USP4: variants seen among roughly 807,000 people sequenced by gnomAD.
The protein encoded by USP4 is ubiquitin specific peptidase 4.
Under a neutral mutation model 118.2 loss-of-function variants are expected in USP4, and 72 were observed. That is an observed-to-expected ratio of 0.61 (90% CI 0.50 to 0.74). The LOEUF (loss-of-function observed/expected upper bound fraction) is 0.74. USP4 is among the 30% of genes least tolerant of loss of function. USP4 has a pLI of 0.00. For missense variants in USP4, 1,037 were observed against 1,185.7 expected (o/e 0.87, Z 1.84); for synonymous variants, 415 against 440.4 (o/e 0.94, Z 0.72).
At chr3:49,339,899 G>A (rs777432077) in intron 1 of USP4, 25 bp downstream of exon 1, 4 of 1,603,008 alleles carry the variant, frequency 2.5e-6, no homozygotes, top group Non-Finnish European at 3.4e-6. Flanking sequence ...GTTCTGCATA[G>A]AGGAAGAGCG....
rs914937882 is a variant in USP4, at chr3:49,277,931, C to G, written c.*362G>C. On this transcript the variant is annotated 3_prime_UTR_variant, in exon 22 of 22. Transcript: ENST00000265560. Reference sequence around the variant, plus strand: ...GAACCAGAAATCCAGGCGCTCAGGGCAGCCCTGCAGGTGGGGTGGGTCTCC... The same window carrying G: ...GAACCAGAAATCCAGGCGCTCAGGGGAGCCCTGCAGGTGGGGTGGGTCTCC... 4 of 402,688 alleles carry G rather than the reference C, an allele frequency of 9.9e-6. No individual in the cohort carries two copies. The highest frequency in any genetic ancestry group is 8.2e-5 in the African/African-American group (4 of 48,514). The allele number at this position is 402,688 out of a possible 1,614,324, so 24.9% of individuals were successfully genotyped here. A position where few individuals can be genotyped will look rare whatever the true frequency, so the allele number is the denominator to read the frequency against.
chr3:49,334,624 G>A (rs997464170), intron 2 of USP4, among the ~76,000 whole-genome samples: 8 of 152,120 alleles, frequency 5.3e-5, no homozygotes, highest in Non-Finnish European at 8.8e-5. Context: ...GAACACTGTA[G>A]TCTCAGTGAC....
chr3:49,290,189 C>T (rs2047138006), intron 15 of USP4, among the ~76,000 whole-genome samples: 1 of 152,102 alleles, frequency 6.6e-6, no homozygotes, highest in South Asian at 2.1e-4. Flanking sequence ...CGAAGGTGAG[C>T]AGATCACTTG....
chr3:49,303,183 A>T (rs989415679), intron 9 of USP4, among the ~76,000 whole-genome samples: 1 of 152,114 alleles, frequency 6.6e-6, no homozygotes. Flanking sequence ...GCTCATGCCT[A>T]TGATCCCAGA....
At chr3:49,334,892 A>T (rs1041273488) in intron 2 of USP4, among the ~76,000 whole-genome samples, 1 of 152,212 alleles carries the variant, frequency 6.6e-6, no homozygotes, top group African/African-American at 2.4e-5. Context: ...GGCAAAAGAA[A>T]GCCTGGGAAA....
At chr3:49,278,481 A>C (rs1559461862) in intron 21 of USP4, 30 bp from the exon 22 acceptor site, 1 of 1,602,242 alleles carries the variant, frequency 6.2e-7, no homozygotes, top group African/African-American at 1.3e-5. Flanking sequence ...AAGACCATTC[A>C]GTGCTTGGAA....
chr3:49,311,491 A>T, intron 7 of USP4, 23 bp downstream of exon 7: 1 of 1,610,536 alleles, frequency 6.2e-7, no homozygotes, highest in South Asian at 1.1e-5. Flanking sequence ...GAAAGGAAGC[A>T]GAGTGAAAGG....
chr3:49,295,330 CT>C (rs1559468046), intron 13 of USP4, among the ~76,000 whole-genome samples: 1 of 142,982 alleles, frequency 7.0e-6, no homozygotes, highest in East Asian at 2.0e-4. Flanking sequence ...ATTGAGTGCC[CT>C]GCCCTTTAAT....
Position 49,284,548 on chromosome 3 carries a change from T to C in USP4, c.2308A>G (p.Lys770Glu). 6.2e-7 allele frequency: 1 copy of C among 1,614,066 alleles called. No individual in the cohort carries two copies. The highest frequency in any genetic ancestry group is 8.5e-7 in the Non-Finnish European group (1 of 1,180,008). ...AGGGCCACTGTGGTCTTCTTCTTCT[T>C]CTGAGGCTGCAACATGCTCACATGC... is the stretch of plus-strand genomic sequence containing the variant. ...EKHVSMLQPQ[K>E]KKKTTVALRD... Residue 770 changes from lysine (K) to glutamate (E), a missense_variant, in exon 18 of 22, where the codon AAG (lysine) becomes GAG (glutamate). Lys to Glu is a moderately conservative substitution (Grantham distance 56). This residue lies in a region of USP4 where 522 missense variants were observed against 592.6 expected (regional missense o/e 0.88). Coordinates refer to ENST00000265560, the MANE Select transcript of USP4 (RefSeq NM_003363.4).
intron 2 of USP4, among the ~76,000 whole-genome samples, chr3:49,334,699 T>C (rs1363381536): frequency 2.0e-5 from 3 of 152,100 alleles, no homozygotes; most frequent in Non-Finnish European, 4.4e-5. Flanking sequence ...GCCAACATGG[T>C]AGAGACGGGG....
chr3:49,278,339 T>G lies in USP4; in HGVS notation c.2846A>C (p.Gln949Pro), dbSNP rs1161332435. 2 of 1,614,162 alleles carry G rather than the reference T, an allele frequency of 1.2e-6. No individual in the cohort carries two copies. ...SDGGTRPSSS[Q>P]QGFGDDEACS... Reference sequence around the variant, plus strand: ...AGCCTCATCATCCCCAAAGCCCTGCTGAGAGCTGCTTGGTCGTGTCCCTCC... The same window carrying G: ...AGCCTCATCATCCCCAAAGCCCTGCGGAGAGCTGCTTGGTCGTGTCCCTCC... Residue 949 changes from glutamine (Q) to proline (P), a missense_variant, in exon 22 of 22, where the codon CAG (glutamine) becomes CCG (proline). This residue lies in a region of USP4 where 522 missense variants were observed against 592.6 expected (regional missense o/e 0.88). Transcript: ENST00000265560.
intron 2 of USP4, among the ~76,000 whole-genome samples, chr3:49,330,996 T>A (rs1288648278): frequency 7.9e-6 from 1 of 126,000 alleles, no homozygotes; most frequent in South Asian, 2.5e-4. Context: ...CCAGTCTGGG[T>A]GACAGAGCAA....
rs749269636 is a variant in USP4, at chr3:49,295,849, T to C, written c.1692-1251A>G. The stretch of plus-strand genomic sequence containing the variant: ...CTCGAGTAAATACTGTGGTCCAGCA[T>C]AGTGGTAAAGAACCAGGCCTTGGAG... On this transcript the variant is annotated intron_variant, in intron 13 of 21. Transcript: ENST00000265560. 4.0e-4 allele frequency among the ~76,000 whole-genome samples: 61 copies of C among 152,148 alleles called. 1 individual carries two copies. The highest frequency in any genetic ancestry group is 1.4e-3 in the African/African-American group (60 of 41,514).
intron 6 of USP4, chr3:49,317,450 C>T (rs2047451464): frequency 2.5e-6 from 2 of 811,624 alleles, no homozygotes; most frequent in Non-Finnish European, 4.2e-6. Flanking sequence ...AGCGCCATGC[C>T]CTGCTGGGTC....
At chr3:49,313,789 T>C (rs2047409724) in intron 6 of USP4, 1 of 152,264 alleles carries the variant, frequency 6.6e-6, no homozygotes, top group Admixed American at 6.5e-5. Context: ...TTTAAATTGC[T>C]ATCAATTTCA....
At chr3:49,283,004 GCCT>G (rs1468106580) in intron 19 of USP4, among the ~76,000 whole-genome samples, 6 of 130,122 alleles carry the variant, frequency 4.6e-5, no homozygotes, top group East Asian at 2.2e-4. Flanking sequence ...CACTGTGCCG[GCCT>G]CTTTTTTTTT....
chr3:49,317,182 T>A, intron 6 of USP4: 1 of 1,477,768 alleles, frequency 6.8e-7, no homozygotes, highest in East Asian at 2.3e-5. Flanking sequence ...CTGGGAGCTC[T>A]CCAGCATCTT....
At chr3:49,325,075 C>T (rs747037311) in intron 4 of USP4, 36 bp from the exon 5 acceptor site, 1 of 1,602,726 alleles carries the variant, frequency 6.2e-7, no homozygotes, top group Non-Finnish European at 8.5e-7. Flanking sequence ...GGGGCTTTGT[C>T]CACATGCAAG....
At chr3:49,335,244 A>C (rs1444707387) in intron 2 of USP4, among the ~76,000 whole-genome samples, 1 of 152,226 alleles carries the variant, frequency 6.6e-6, no homozygotes, top group African/African-American at 2.4e-5. Flanking sequence ...GAGAAAGTTA[A>C]AATGTTAGAA....
Sources: allele counts gnomAD v4.1 joint callset (sites outside exome capture counted in the v4.1 genomes callset), GRCh38; gene constraint gnomAD v4.1.1; regional missense constraint gnomAD v4.1.1; transcripts MANE v1.5; gene names NCBI Gene and HGNC (gene_info 2026-07-23, HGNC 2026-07-21).